ACKR3: variants seen among roughly 807,000 people sequenced by gnomAD.
ACKR3 encodes the protein C-X-C chemokine receptor type 7.
In ACKR3, 6 loss-of-function variants were observed where a neutral mutation model predicts 22.4. That is an observed-to-expected ratio of 0.27 (90% CI 0.15 to 0.53). The LOEUF is 0.53. Ranked by LOEUF, ACKR3 falls within the 20% of genes least tolerant of loss-of-function variation. The pLI, the probability that ACKR3 is intolerant of heterozygous loss-of-function variation, is 0.96. For synonymous variants in ACKR3, 209 were observed against 205.2 expected, an observed-to-expected ratio of 1.02 and a Z score of -0.16; for missense variants, 396 against 475.2, an observed-to-expected ratio of 0.83 and a Z score of 1.55.
rs1042377965 is a variant in ACKR3 at position 236,580,819 on chromosome 2, A to G, written c.354A>G (p.Lys118=). The G allele has an allele frequency of 1.9e-6, 3 of 1,614,148 alleles. No individual in the cohort carries two copies. The highest frequency in any genetic ancestry group is 2.5e-6 in the Non-Finnish European group (3 of 1,180,032). The part of the protein sequence containing the change: ...NQWPMGELTC[K]VTHLIFSINL... ...GGCCCATGGGCGAGCTCACGTGCAAAGTCACACACCTCATCTTCTCCATCA... is the reference window on the plus strand; with the variant it reads ...GGCCCATGGGCGAGCTCACGTGCAAGGTCACACACCTCATCTTCTCCATCA... Residue 118 remains lysine (K), a synonymous_variant, in exon 2 of 2, where the codon AAA becomes AAG. Coordinates refer to ENST00000272928, the MANE Select transcript of ACKR3 (RefSeq NM_020311.3).
upstream of ACKR3, among the ~76,000 whole-genome samples, chr2:236,563,707 T>C (rs1328047603): frequency 6.6e-6 from 1 of 152,136 alleles, no homozygotes; most frequent in Non-Finnish European, 1.5e-5. Context: ...CGGTGGATAC[T>C]GGTGTTGCTG....
chr2:236,558,205 G>C, the ACKR3 span, among the ~76,000 whole-genome samples: 28 of 152,320 alleles, frequency 1.8e-4, no homozygotes, highest in East Asian at 4.8e-3. Flanking sequence ...CTGCTCCTTG[G>C]GGAGCAGGGC....
At chr2:236,558,567 C>T in the ACKR3 span, among the ~76,000 whole-genome samples, 3 of 152,118 alleles carry the variant, frequency 2.0e-5, no homozygotes, top group African/African-American at 4.8e-5. Context: ...TGCTAACTTC[C>T]GGATTTTGTG....
chr2:236,572,479 T>A (rs1691330037), intron 1 of ACKR3, among the ~76,000 whole-genome samples: 1 of 152,220 alleles, frequency 6.6e-6, no homozygotes, highest in Admixed American at 6.5e-5. Context: ...CATCTTTTGC[T>A]TTTCCTGCTA....
the ACKR3 span, among the ~76,000 whole-genome samples, chr2:236,543,879 A>G: frequency 7.0e-6 from 1 of 142,424 alleles, no homozygotes; most frequent in Non-Finnish European, 1.5e-5. Context: ...CACGAATTGA[A>G]TTGTGCTTGT....
At position 236,577,867 on chromosome 2, in the gene ACKR3, C is replaced by T. The variant is rs942029936; in HGVS notation, c.-26-2573C>T. Among the ~76,000 whole-genome samples, 5 of 152,348 alleles carry T rather than the reference C, an allele frequency of 3.3e-5. No homozygotes were observed. The highest frequency in any genetic ancestry group is 1.9e-4 in the East Asian group (1 of 5,172). On this transcript the variant is annotated intron_variant, in intron 1 of 1. Transcript: ENST00000272928. This position sits in a 1 kb window ranked among gnomAD's most constrained non-coding sequence, Gnocchi z 5.6. ...GACAGAGCAGGGAGCCCAAGCCAGGCGCCAGCCGAGCTCCCTCTGGACCCA... is the reference window on the plus strand; with the variant it reads ...GACAGAGCAGGGAGCCCAAGCCAGGTGCCAGCCGAGCTCCCTCTGGACCCA...
chr2:236,567,818 C>T (rs7587793), upstream of ACKR3: 9,453 of 152,724 alleles, frequency 0.062, 726 homozygotes, highest in East Asian at 0.25. Flanking sequence ...CTCGCAGGCG[C>T]CTGGGCCGGG....
rs1691557084 is a variant in ACKR3, at chr2:236,582,186, CT to C, written c.*635del. On this transcript the variant is annotated 3_prime_UTR_variant, in exon 2 of 2. Coordinates refer to ENST00000272928, the MANE Select transcript of ACKR3 (RefSeq NM_020311.3). ...GGCACGGGATATGGAACGAAAACTG[CT>C]TTGTAATGCAGTTTGTGACATTAAT... The C allele has an allele frequency of 6.0e-6, 1 of 166,874 alleles. No individual in the cohort carries two copies. The highest frequency in any genetic ancestry group is 6.5e-5 in the Admixed American group (1 of 15,276). The allele number at this position is 166,874 out of a possible 1,614,324, so 10.3% of individuals were successfully genotyped here.
At chr2:236,567,508 G>A (rs1691210192), upstream of ACKR3, among the ~76,000 whole-genome samples, 1 of 152,168 alleles carries the variant, frequency 6.6e-6, no homozygotes, top group Non-Finnish European at 1.5e-5. Context: ...TAGGTCCTAG[G>A]GCAATGGAAT....
At chr2:236,550,312 G>A in the ACKR3 span, among the ~76,000 whole-genome samples, 5 of 152,228 alleles carry the variant, frequency 3.3e-5, no homozygotes, top group Non-Finnish European at 5.9e-5. This position sits in a 1 kb window ranked among gnomAD's most constrained non-coding sequence, Gnocchi z 4.6. Context: ...GGAGATGTTG[G>A]GGGTGGCAGG....
At chr2:236,570,317 A>C (rs1463931165) in intron 1 of ACKR3, among the ~76,000 whole-genome samples, 1 of 152,200 alleles carries the variant, frequency 6.6e-6, no homozygotes, top group Non-Finnish European at 1.5e-5. Context: ...CCCACTGTTT[A>C]CCTGTTTTGC....
At chr2:236,558,211 A>C in the ACKR3 span, among the ~76,000 whole-genome samples, 2 of 152,222 alleles carry the variant, frequency 1.3e-5, no homozygotes, top group Non-Finnish European at 2.9e-5. Context: ...CTTGGGGAGC[A>C]GGGCAACCCT....
In ACKR3 at chr2:236,580,556, A is replaced by T. The variant is rs1691498459; in HGVS notation, c.91A>T (p.Thr31Ser). The change falls in exon 2 of 2, where the codon ACG becomes TCG. Residue 31 changes from threonine to serine, a missense_variant. By Grantham distance (58) the Thr-to-Ser change is moderately conservative. Coordinates refer to ENST00000272928, the MANE Select transcript of ACKR3 (RefSeq NM_020311.3). Reference protein sequence around the residue: ...CNSSDCIVVDTVMCPNMPNKS... With the variant: ...CNSSDCIVVDSVMCPNMPNKS... ...CAGCAGCGACTGCATCGTGGTGGAC[A>T]CGGTGATGTGTCCCAACATGCCCAA... is the stretch of plus-strand genomic sequence containing the variant. 6.2e-7 allele frequency: 1 copy of T among 1,614,244 alleles called. No individual in the cohort carries two copies. Among genetic ancestry groups the T allele is most frequent in the Non-Finnish European group, 8.5e-7 (1 of 1,180,044 alleles).
chr2:236,565,208 G>A (rs1003107915), upstream of ACKR3, among the ~76,000 whole-genome samples: 4 of 151,944 alleles, frequency 2.6e-5, no homozygotes, highest in Admixed American at 2.0e-4. Context: ...CAAGCACCCA[G>A]CTAGAATAGA....
the ACKR3 span, among the ~76,000 whole-genome samples, chr2:236,543,941 GTATATATATATATATA>G: frequency 5.0e-3 from 291 of 57,796 alleles, 1 homozygote; most frequent in Middle Eastern, 0.017. Flanking sequence ...TGGGAGAAGG[GTATATATATATATATA>G]TATATATATA....
At position 236,577,882 on chromosome 2, in the gene ACKR3, C is replaced by G. The variant is rs1348530505; in HGVS notation, c.-26-2558C>G. On this transcript the variant is annotated intron_variant, in intron 1 of 1. Coordinates refer to ENST00000272928, the MANE Select transcript of ACKR3 (RefSeq NM_020311.3). The surrounding 1 kb of genome is among the most constrained non-coding windows in gnomAD (Gnocchi z 5.6). Reference sequence around the variant, plus strand: ...CCAAGCCAGGCGCCAGCCGAGCTCCCTCTGGACCCAGCTGCTGTCCCTGCT... The same window carrying G: ...CCAAGCCAGGCGCCAGCCGAGCTCCGTCTGGACCCAGCTGCTGTCCCTGCT... Among the ~76,000 whole-genome samples the G allele has an allele frequency of 6.6e-6, 1 of 152,370 alleles. No individual in the cohort carries two copies. Among genetic ancestry groups the G allele is most frequent in the East Asian group, 1.9e-4 (1 of 5,174 alleles).
the ACKR3 span, among the ~76,000 whole-genome samples, chr2:236,551,581 A>G: frequency 6.6e-6 from 1 of 152,148 alleles, no homozygotes; most frequent in Non-Finnish European, 1.5e-5. Context: ...TTTGCAGCCT[A>G]ACTGACTCCA....
At chr2:236,537,305 T>C in the ACKR3 span, among the ~76,000 whole-genome samples, 1 of 152,290 alleles carries the variant, frequency 6.6e-6, no homozygotes, top group South Asian at 2.1e-4. Flanking sequence ...TGGTCCTAAG[T>C]GTGAGCGGCT....
At chr2:236,567,057 T>C (rs1482563070), upstream of ACKR3, among the ~76,000 whole-genome samples, 1 of 152,000 alleles carries the variant, frequency 6.6e-6, no homozygotes, top group African/African-American at 2.4e-5. Context: ...CAGGCTGGAT[T>C]GCAATGGTGC....
Sources: allele counts gnomAD v4.1 joint callset (sites outside exome capture counted in the v4.1 genomes callset), GRCh38; gene constraint gnomAD v4.1.1; non-coding constraint Gnocchi (gnomAD v3.1); transcripts MANE v1.5; gene names NCBI Gene and HGNC (gene_info 2026-07-23, HGNC 2026-07-21).